Variants in PREX2 observed in about 807,000 individuals in gnomAD.
The protein encoded by PREX2 is phosphatidylinositol-3,4,5-trisphosphate dependent Rac exchange factor 2.
A neutral mutation model predicts 203.2 loss-of-function variants in PREX2; 107 were observed. The ratio of observed to expected loss-of-function variants is 0.53; its 90% CI spans 0.45 to 0.62. The LOEUF (loss-of-function observed/expected upper bound fraction) is 0.62, where lower values mean the gene tolerates loss of function less well. PREX2 is among the 20% of genes least tolerant of loss of function. PREX2 has a pLI of 0.00. For synonymous variants in PREX2, 672 were observed against 663.6 expected, an observed-to-expected ratio of 1.01 and a Z score of -0.19; for missense variants, 1,777 against 1,955.9, an observed-to-expected ratio of 0.91 and a Z score of 1.72.
At chr8:68,023,769 T>A (rs1396171530) in intron 4 of PREX2, among the ~76,000 whole-genome samples, 2 of 152,120 alleles carry the variant, frequency 1.3e-5, no homozygotes, top group African/African-American at 4.8e-5. Flanking sequence ...TATGGCATTT[T>A]AAAATTGTTC....
chr8:68,030,562 C>A lies in PREX2; in HGVS notation c.609C>A (p.Ala203=). 6.2e-7 allele frequency: 1 copy of A among 1,613,678 alleles called. No homozygotes were observed. The highest frequency in any genetic ancestry group is 8.5e-7 in the Non-Finnish European group (1 of 1,179,710). The part of the protein sequence containing the change: ...DYAAVMEALQ[A]MKAVCSNINE... The stretch of plus-strand genomic sequence containing the variant: ...CAGCAGTGATGGAAGCCCTCCAAGC[C>A]ATGAAAGCTGTCTGTTCCAACATAA... Residue 203 remains alanine (A), a synonymous_variant, in exon 6 of 40, where the codon GCC becomes GCA. Coordinates refer to ENST00000288368, the MANE Select transcript of PREX2 (RefSeq NM_024870.4).
intron 31 of PREX2, among the ~76,000 whole-genome samples, chr8:68,133,281 T>G (rs1811044544): frequency 6.6e-6 from 1 of 152,132 alleles, no homozygotes; most frequent in South Asian, 2.1e-4. Flanking sequence ...TTCCGCCCGG[T>G]CTCTTCCTCA....
At chr8:68,086,493 A>G (rs1809696469) in intron 18 of PREX2, among the ~76,000 whole-genome samples, 1 of 152,076 alleles carries the variant, frequency 6.6e-6, no homozygotes, top group Non-Finnish European at 1.5e-5. Context: ...TTTGGGAAAC[A>G]CTTTTGTTTC....
At chr8:67,989,568 TTAA>T (rs1806538604) in intron 1 of PREX2, among the ~76,000 whole-genome samples, 1 of 152,240 alleles carries the variant, frequency 6.6e-6, no homozygotes, top group South Asian at 2.1e-4. Flanking sequence ...GTAGTGTTTT[TTAA>T]TAATGTTTCT....
At position 68,080,738 on chromosome 8, in the gene PREX2, C is replaced by T. The variant is rs772789608; in HGVS notation, c.1786-8C>T. On this transcript the variant is annotated splice_region_variant and splice_polypyrimidine_tract_variant and intron_variant, in intron 16 of 39. Transcript: ENST00000288368. ...CTTTATCAATAATGTTAATATTTTG[C>T]ATTTCAGATTAAATCCAATGAAGGC... The T allele has an allele frequency of 2.2e-5, 33 of 1,527,140 alleles. No homozygotes were observed. The highest frequency in any genetic ancestry group is 2.9e-5 in the Non-Finnish European group (32 of 1,119,156). The allele number at this position is 1,527,140 out of a possible 1,614,324, so 94.6% of individuals were successfully genotyped here.
chr8:68,007,351 T>C (rs1807125055), intron 1 of PREX2, among the ~76,000 whole-genome samples: 1 of 152,222 alleles, frequency 6.6e-6, no homozygotes, highest in Non-Finnish European at 1.5e-5. Context: ...TAAAAAGTCA[T>C]GAATGACTTA....
At chr8:68,078,889 T>G (rs980511391) in intron 15 of PREX2, among the ~76,000 whole-genome samples, 2 of 152,220 alleles carry the variant, frequency 1.3e-5, no homozygotes, top group Non-Finnish European at 2.9e-5. Context: ...CAGTAAAGCA[T>G]GAACAGTGTA....
chr8:68,110,940 A>T (rs1810521859), intron 25 of PREX2: 1 of 436,432 alleles, frequency 2.3e-6, no homozygotes, highest in African/African-American at 2.0e-5. Flanking sequence ...AGATGAATTA[A>T]ACCGTTCAAG....
At chr8:67,999,658 CAA>C (rs1008336347) in intron 1 of PREX2, among the ~76,000 whole-genome samples, 1 of 151,794 alleles carries the variant, frequency 6.6e-6, no homozygotes, top group African/African-American at 2.4e-5. Context: ...AGAGAGACAA[CAA>C]AAAAAGAAAA....
chr8:68,112,960 C>T (rs182290338), intron 25 of PREX2, among the ~76,000 whole-genome samples: 68 of 152,260 alleles, frequency 4.5e-4, no homozygotes, highest in Middle Eastern at 3.4e-3. Context: ...TTGCAACATA[C>T]TGTATACAAA....
At chr8:68,018,116 A>G (rs1297516103) in intron 2 of PREX2, among the ~76,000 whole-genome samples, 199 bp downstream of exon 2, 1 of 152,120 alleles carries the variant, frequency 6.6e-6, no homozygotes, top group Non-Finnish European at 1.5e-5. Context: ...AGAATGGCAG[A>G]GAAGTCATAG....
chr8:68,078,018 G>C (rs55699804), intron 15 of PREX2, among the ~76,000 whole-genome samples: 1 of 151,700 alleles, frequency 6.6e-6, no homozygotes, highest in Non-Finnish European at 1.5e-5. Context: ...ACCTCTTTCT[G>C]CTGTGCCCTG....
intron 25 of PREX2, chr8:68,114,394 A>C (rs1318122431): frequency 2.2e-6 from 1 of 463,600 alleles, no homozygotes; most frequent in East Asian, 6.2e-5. Flanking sequence ...GGAACTGAAA[A>C]TCACAGGTAT....
chr8:67,982,985 A>G (rs989421091), intron 1 of PREX2, among the ~76,000 whole-genome samples: 26 of 152,334 alleles, frequency 1.7e-4, no homozygotes, highest in African/African-American at 5.8e-4. Flanking sequence ...GCAGGTCCTC[A>G]AATCTTTATT....
At chr8:68,008,835 C>T (rs146959325) in intron 1 of PREX2, among the ~76,000 whole-genome samples, 2,243 of 152,266 alleles carry the variant, frequency 0.015, 29 homozygotes, top group South Asian at 0.049. Context: ...TTTGCTTCTC[C>T]TTCGCCTTCT....
At chr8:68,126,225 A>T (rs1480129159) in intron 30 of PREX2, among the ~76,000 whole-genome samples, 1 of 152,072 alleles carries the variant, frequency 6.6e-6, no homozygotes, top group Non-Finnish European at 1.5e-5. Context: ...TTTATGAAAT[A>T]TTTTCTAGTC....
chr8:67,995,741 T>C (rs1806746137), intron 1 of PREX2, among the ~76,000 whole-genome samples: 1 of 152,202 alleles, frequency 6.6e-6, no homozygotes, highest in African/African-American at 2.4e-5. Context: ...TTGATAGTCA[T>C]TTAGGTTGTT....
chr8:68,182,258 G>A (rs1295215082), intron 35 of PREX2, among the ~76,000 whole-genome samples: 1 of 152,094 alleles, frequency 6.6e-6, no homozygotes, highest in Non-Finnish European at 1.5e-5. Flanking sequence ...CAAGAATTTT[G>A]CTGTGTCATT....
At chr8:67,953,187 GC>G (rs1466842580) in intron 1 of PREX2, among the ~76,000 whole-genome samples, 1 of 56,186 alleles carries the variant, frequency 1.8e-5, no homozygotes, top group East Asian at 6.9e-4. Flanking sequence ...CCCGCCCCCC[GC>G]CCCGGCTTAA....
Sources: allele counts gnomAD v4.1 joint callset (sites outside exome capture counted in the v4.1 genomes callset), GRCh38; gene constraint gnomAD v4.1.1; transcripts MANE v1.5; gene names NCBI Gene and HGNC (gene_info 2026-07-23, HGNC 2026-07-21).